The following FARS2 variants were observed in gnomAD, a reference collection of about 807,000 sequenced individuals.
FARS2 encodes phenylalanyl-tRNA synthetase 2, mitochondrial, also known as phenylalanine--tRNA ligase, mitochondrial.
In FARS2, 40 loss-of-function variants were observed where a neutral mutation model predicts 46.4. The observed-to-expected ratio is 0.86, with a 90% CI of 0.67 to 1.12. FARS2 has a LOEUF of 1.12. Ranked by LOEUF, FARS2 falls within the 50% of genes most tolerant of loss-of-function variation. The pLI, the probability that FARS2 is intolerant of heterozygous loss-of-function variation, is 0.00. For missense variants in FARS2, 513 were observed against 567.9 expected (o/e 0.90, Z 0.98); for synonymous variants, 234 against 214.9 (o/e 1.09, Z -0.78).
At chr6:5,448,202 G>A (rs1444980930) in intron 4 of FARS2, among the ~76,000 whole-genome samples, 3 of 152,196 alleles carry the variant, frequency 2.0e-5, no homozygotes, top group African/African-American at 7.2e-5. Flanking sequence ...TGGACTCTGT[G>A]CTGTTGTTAT....
intron 3 of FARS2, among the ~76,000 whole-genome samples, chr6:5,416,455 G>T (rs1258056828): frequency 6.6e-6 from 1 of 152,132 alleles, no homozygotes; most frequent in Non-Finnish European, 1.5e-5. Flanking sequence ...TATGTCTGGG[G>T]CTATTTCTGG....
At chr6:5,686,692 T>A (rs1757255466) in intron 6 of FARS2, among the ~76,000 whole-genome samples, 1 of 152,190 alleles carries the variant, frequency 6.6e-6, no homozygotes, top group South Asian at 2.1e-4. Context: ...TAACAGCATG[T>A]TTTATAATCC....
intron 5 of FARS2, among the ~76,000 whole-genome samples, chr6:5,591,139 T>C (rs574271925): frequency 6.6e-6 from 1 of 152,326 alleles, no homozygotes; most frequent in East Asian, 1.9e-4. Flanking sequence ...GTTAATGCCA[T>C]TGAATCTTAG....
At chr6:5,375,170 A>G (rs566631735) in intron 2 of FARS2, among the ~76,000 whole-genome samples, 4 of 152,228 alleles carry the variant, frequency 2.6e-5, no homozygotes, top group Admixed American at 1.3e-4. Context: ...TGCTTTACCT[A>G]GAAAAAGAAT....
At chr6:5,308,168 G>A (rs769768143) in intron 1 of FARS2, among the ~76,000 whole-genome samples, 1 of 151,860 alleles carries the variant, frequency 6.6e-6, no homozygotes, top group Non-Finnish European at 1.5e-5. Context: ...AGGCCTCAAG[G>A]CAAAAAAGGG....
chr6:5,738,848 G>A (rs57521672), intron 6 of FARS2, among the ~76,000 whole-genome samples: 2,110 of 152,050 alleles, frequency 0.014, 56 homozygotes, highest in African/African-American at 0.048. Context: ...TATCGTTGTC[G>A]GTTTTTTTCA....
intron 6 of FARS2, among the ~76,000 whole-genome samples, chr6:5,648,276 C>G (rs1183710954): frequency 1.3e-5 from 2 of 152,240 alleles, no homozygotes; most frequent in East Asian, 3.8e-4. Flanking sequence ...ACATCAGCAC[C>G]TTTTCAAACT....
chr6:5,276,706 G>A (rs1766360062), intron 1 of FARS2, among the ~76,000 whole-genome samples: 1 of 152,146 alleles, frequency 6.6e-6, no homozygotes, highest in Non-Finnish European at 1.5e-5. Context: ...GTGGTTCCCT[G>A]GGCAGTAGGA....
At chr6:5,478,140 A>G (rs1173489177) in intron 4 of FARS2, among the ~76,000 whole-genome samples, 1 of 152,190 alleles carries the variant, frequency 6.6e-6, no homozygotes, top group Non-Finnish European at 1.5e-5. Context: ...TTAACCTGGC[A>G]CACGAAGACA....
intron 2 of FARS2, among the ~76,000 whole-genome samples, chr6:5,395,518 ACT>A (rs1760849307): frequency 6.6e-6 from 1 of 151,962 alleles, no homozygotes; most frequent in African/African-American, 2.4e-5. Flanking sequence ...TAGGGATGAC[ACT>A]CTCTACCTGG....
intron 6 of FARS2, among the ~76,000 whole-genome samples, chr6:5,624,981 C>T (rs369885786): frequency 2.0e-5 from 3 of 152,332 alleles, no homozygotes; most frequent in South Asian, 4.1e-4. Context: ...TCATCCCCGC[C>T]TAACTCACTG....
chr6:5,546,037 A>G (rs1201711612), intron 5 of FARS2, among the ~76,000 whole-genome samples: 5 of 152,032 alleles, frequency 3.3e-5, no homozygotes, highest in African/African-American at 1.2e-4. Flanking sequence ...CTGAGGCAGG[A>G]GAATCACTTG....
chr6:5,767,521 T>C (rs1762815809), intron 6 of FARS2, among the ~76,000 whole-genome samples: 1 of 152,226 alleles, frequency 6.6e-6, no homozygotes, highest in African/African-American at 2.4e-5. Context: ...TGTTTAACTT[T>C]TTGAGGAACC....
chr6:5,722,649 C>T (rs1759987494), intron 6 of FARS2, among the ~76,000 whole-genome samples: 1 of 152,124 alleles, frequency 6.6e-6, no homozygotes, highest in African/African-American at 2.4e-5. Context: ...GAGAAAAGGT[C>T]AGTGAGGCTG....
chr6:5,302,233 A>T (rs1417974810), intron 1 of FARS2, among the ~76,000 whole-genome samples: 3 of 152,196 alleles, frequency 2.0e-5, no homozygotes, highest in African/African-American at 7.2e-5. Flanking sequence ...CCTCTAGGTG[A>T]CTTCTGTCTG....
At chr6:5,546,898 C>G (rs1206559030) in intron 5 of FARS2, among the ~76,000 whole-genome samples, 1 of 151,744 alleles carries the variant, frequency 6.6e-6, no homozygotes, top group African/African-American at 2.4e-5. Flanking sequence ...TTCATCCATT[C>G]TTCCTTAAAT....
At chr6:5,411,297 A>AAAACG (rs892719235) in intron 3 of FARS2, among the ~76,000 whole-genome samples, 5 of 152,148 alleles carry the variant, frequency 3.3e-5, no homozygotes, top group Non-Finnish European at 7.4e-5. Flanking sequence ...AAAACAAAAC[A>AAAACG]AAACAAAACA....
intron 6 of FARS2, among the ~76,000 whole-genome samples, chr6:5,654,250 T>C (rs931504636): frequency 2.0e-5 from 3 of 152,196 alleles, no homozygotes; most frequent in Non-Finnish European, 4.4e-5. Flanking sequence ...ACATCCTTTC[T>C]GGACCACCCT....
intron 6 of FARS2, among the ~76,000 whole-genome samples, chr6:5,671,868 A>C (rs1440575357): frequency 1.3e-5 from 2 of 152,204 alleles, no homozygotes; most frequent in Non-Finnish European, 2.9e-5. Flanking sequence ...TAAGAACATA[A>C]GCCAAAAATC....
Sources: gnomAD v4.1 joint callset for allele counts (sites outside exome capture counted in the v4.1 genomes callset) on GRCh38, gnomAD v4.1.1 for gene constraint, MANE v1.5 for transcripts, NCBI Gene and HGNC (gene_info 2026-07-23, HGNC 2026-07-21) for gene names.